Variants in ASAH2 observed in about 807,000 individuals in gnomAD.
ASAH2 encodes the protein neutral ceramidase.
ASAH2 carries 58 observed loss-of-function variants against 82.9 expected under a neutral mutation model. That is an observed-to-expected ratio of 0.70 (90% CI 0.57 to 0.87). The LOEUF (loss-of-function observed/expected upper bound fraction) is 0.87. Ranked by LOEUF, ASAH2 falls within the 40% of genes least tolerant of loss-of-function variation. The pLI, the probability that ASAH2 is intolerant of heterozygous loss-of-function variation, is 0.00. For synonymous variants in ASAH2, 276 were observed against 289.7 expected, an observed-to-expected ratio of 0.95 and a Z score of 0.48; for missense variants, 779 against 834.0, an observed-to-expected ratio of 0.93 and a Z score of 0.81.
intron 3 of ASAH2, among the ~76,000 whole-genome samples, chr10:50,244,180 G>A (rs1267284856): frequency 6.6e-6 from 1 of 152,212 alleles, no homozygotes; most frequent in Non-Finnish European, 1.5e-5. Context: ...TACATGCAGA[G>A]TGAGGTATTT....
intron 8 of ASAH2, among the ~76,000 whole-genome samples, chr10:50,216,114 A>G (rs1053474526): frequency 1.3e-5 from 2 of 148,896 alleles, no homozygotes; most frequent in African/African-American, 4.9e-5. Flanking sequence ...CAATGAGAAC[A>G]CATGGACACA....
intron 17 of ASAH2, 31 bp downstream of exon 17, chr10:50,199,020 G>A (rs2175727): frequency 0.16 from 251,829 of 1,601,910 alleles, 27,646 homozygotes; most frequent in African/African-American, 0.45. Context: ...ACACGCACGC[G>A]CGCATGCACG....
At chr10:50,239,106 C>A (rs1350233919) in intron 4 of ASAH2, among the ~76,000 whole-genome samples, 1 of 152,134 alleles carries the variant, frequency 6.6e-6, no homozygotes, top group Non-Finnish European at 1.5e-5. Flanking sequence ...GGGAGCATGA[C>A]ACAGAAAAAC....
intron 12 of ASAH2, among the ~76,000 whole-genome samples, chr10:50,207,143 CAACACATCAA>C (rs1189760483): frequency 6.6e-6 from 1 of 151,664 alleles, no homozygotes; most frequent in Non-Finnish European, 1.5e-5. Context: ...AATGAAAACA[CAACACATCAA>C]AACTTATGGT....
intron 14 of ASAH2, among the ~76,000 whole-genome samples, chr10:50,204,321 C>A (rs905733904): frequency 6.6e-6 from 1 of 151,898 alleles, no homozygotes; most frequent in East Asian, 1.9e-4. Context: ...TGTAAAAGAT[C>A]GTGGTAACTT....
intron 7 of ASAH2, among the ~76,000 whole-genome samples, chr10:50,224,158 C>T (rs1845818505): frequency 1.3e-5 from 2 of 152,144 alleles, no homozygotes; most frequent in East Asian, 3.9e-4. Flanking sequence ...CCTCAGTGTT[C>T]ATACCTGTAA....
intron 17 of ASAH2, among the ~76,000 whole-genome samples, chr10:50,198,779 A>T (rs1845061012): frequency 6.6e-6 from 1 of 152,102 alleles, no homozygotes; most frequent in Non-Finnish European, 1.5e-5. Context: ...GGTTGTAAAA[A>T]TAGTGAGAAA....
At chr10:50,237,924 T>C (rs978866719) in intron 4 of ASAH2, among the ~76,000 whole-genome samples, 10 of 152,168 alleles carry the variant, frequency 6.6e-5, no homozygotes, top group African/African-American at 2.4e-4. Context: ...CATAACTATA[T>C]GTACCATGTA....
chr10:50,198,615 C>A (rs1475848515), intron 17 of ASAH2, among the ~76,000 whole-genome samples: 21 of 151,972 alleles, frequency 1.4e-4, no homozygotes, highest in African/African-American at 3.9e-4. Context: ...AGAATGCTGA[C>A]CTACTCAACT....
At chr10:50,203,596 A>ATGT in intron 15 of ASAH2, 44 bp downstream of exon 15, 2 of 1,572,380 alleles carry the variant, frequency 1.3e-6, no homozygotes, top group Non-Finnish European at 1.8e-6. Context: ...TTTCCTCTTC[A>ATGT]CCAAACATGA....
chr10:50,244,246 T>C (rs1422741761), intron 3 of ASAH2, among the ~76,000 whole-genome samples: 1 of 152,114 alleles, frequency 6.6e-6, no homozygotes, highest in African/African-American at 2.4e-5. Context: ...CTCAGAACAA[T>C]TGTTCTCCCC....
At position 50,245,467 on chromosome 10, in the gene ASAH2, A is replaced by G. The variant is rs755249924; in HGVS notation, c.128-13T>C. On this transcript the variant is annotated splice_polypyrimidine_tract_variant and intron_variant, in intron 2 of 20. Transcript: ENST00000682911. Reference sequence around the variant, plus strand: ...TGGCCTCCTAAATCTAAAACAGAATAAGAGATTTGAGAAACAACATTTCAG... The same window carrying G: ...TGGCCTCCTAAATCTAAAACAGAATGAGAGATTTGAGAAACAACATTTCAG... The G allele has an allele frequency of 9.4e-6, 15 of 1,600,096 alleles. No individual in the cohort carries two copies. The South Asian group carries it at 1.7e-4, about 18-fold the overall frequency.
At chr10:50,203,547 G>A in intron 15 of ASAH2, 93 bp downstream of exon 15, 1 of 813,796 alleles carries the variant, frequency 1.2e-6, no homozygotes, top group Non-Finnish European at 2.0e-6. Flanking sequence ...TTCAAGAAAT[G>A]TGGAACTCTA....
intron 14 of ASAH2, among the ~76,000 whole-genome samples, chr10:50,204,322 G>A (rs1254361016): frequency 6.6e-6 from 1 of 151,950 alleles, no homozygotes; most frequent in Non-Finnish European, 1.5e-5. Context: ...GTAAAAGATC[G>A]TGGTAACTTA....
In ASAH2 at chr10:50,248,815, C is replaced by T. The variant is rs537311527; in HGVS notation, c.-36-169G>A. Among the ~76,000 whole-genome samples, 14 of 152,326 alleles carry T rather than the reference C, an allele frequency of 9.2e-5. No homozygotes were observed. In the South Asian group the frequency reaches 2.9e-3, roughly 32 times the overall value. Reference sequence around the variant, plus strand: ...GGCAGACAAGACCAATCAATTACAGCATTCTTTTTGAAAAGCTCGAATGTG... The same window carrying T: ...GGCAGACAAGACCAATCAATTACAGTATTCTTTTTGAAAAGCTCGAATGTG... On this transcript the variant is annotated intron_variant, in intron 1 of 20. Coordinates refer to ENST00000682911, the MANE Select transcript of ASAH2 (RefSeq NM_019893.4).
intron 4 of ASAH2, 136 bp downstream of exon 4, chr10:50,243,066 G>T: frequency 9.8e-7 from 1 of 1,021,516 alleles, no homozygotes; most frequent in South Asian, 1.5e-5. Flanking sequence ...CTGCTATATT[G>T]TCCAGAGCGT....
chr10:50,234,343 T>A (rs1589350861), intron 6 of ASAH2, 82 bp downstream of exon 6: 1 of 1,588,428 alleles, frequency 6.3e-7, no homozygotes, highest in South Asian at 1.1e-5. Context: ...ACCATATTCA[T>A]CAAGTAACAG....
chr10:50,223,815 G>T (rs1845809115), intron 7 of ASAH2, among the ~76,000 whole-genome samples: 1 of 152,160 alleles, frequency 6.6e-6, no homozygotes, highest in Non-Finnish European at 1.5e-5. Flanking sequence ...GAGACATAGA[G>T]AACAAGGTGA....
intron 7 of ASAH2, among the ~76,000 whole-genome samples, chr10:50,230,150 A>G (rs1845986842): frequency 6.6e-6 from 1 of 152,190 alleles, no homozygotes; most frequent in Non-Finnish European, 1.5e-5. Flanking sequence ...ACATCATTCC[A>G]AGGAAGTATT....
Sources: allele counts gnomAD v4.1 joint callset (sites outside exome capture counted in the v4.1 genomes callset), GRCh38; gene constraint gnomAD v4.1.1; transcripts MANE v1.5; gene names NCBI Gene and HGNC (gene_info 2026-07-23, HGNC 2026-07-21).